Variants in MIER2 observed in about 807,000 individuals in gnomAD.
MIER2 encodes the protein mesoderm induction early response protein 2.
A neutral mutation model predicts 67.6 loss-of-function variants in MIER2; 30 were observed. The observed-to-expected ratio is 0.44, with a 90% CI of 0.33 to 0.60. The LOEUF is 0.60. Among genes scored for constraint, MIER2 ranks in the 20% least tolerant of loss-of-function variants. The pLI is 0.02. For synonymous variants in MIER2, 372 were observed against 312.6 expected (o/e 1.19, Z -2.00); for missense variants, 702 against 745.1 (o/e 0.94, Z 0.67).
chr19:316,860 T>C (rs1293011107), intron 7 of MIER2, among the ~76,000 whole-genome samples: 1 of 151,946 alleles, frequency 6.6e-6, no homozygotes, highest in Admixed American at 6.6e-5. Context: ...TCCCACCTAC[T>C]TGGGAGGCTG....
chr19:320,611 T>TCC (rs1164846148), intron 7 of MIER2, among the ~76,000 whole-genome samples: 1 of 152,054 alleles, frequency 6.6e-6, no homozygotes, highest in Non-Finnish European at 1.5e-5. Context: ...TGGCATTAGA[T>TCC]TCTCATAGGA....
At position 306,394 on chromosome 19, in the gene MIER2, G is replaced by T; in HGVS notation, c.*296C>A. On this transcript the variant is annotated 3_prime_UTR_variant, in exon 14 of 14. Coordinates refer to ENST00000264819, the MANE Select transcript of MIER2 (RefSeq NM_017550.3). ...CGGCTCTGCCCTGCGTCCCAACGGC[G>T]GGGTCTCTTCTGTCCCCGGCTGCCC... 1 of 550,228 alleles carries T rather than the reference G, an allele frequency of 1.8e-6. No individual in the cohort carries two copies. Among genetic ancestry groups the T allele is most frequent in the Non-Finnish European group, 3.2e-6 (1 of 307,886 alleles). The allele number at this position is 550,228 out of a possible 1,614,324, so 34.1% of individuals were successfully genotyped here. A position where few individuals can be genotyped will look rare whatever the true frequency, so the allele number is the denominator to read the frequency against.
chr19:317,926 G>A (rs144811385), intron 7 of MIER2, among the ~76,000 whole-genome samples: 213 of 152,180 alleles, frequency 1.4e-3, no homozygotes, highest in African/African-American at 3.0e-3. Context: ...GATCTAGGTC[G>A]GACACAGTGG....
intron 1 of MIER2, chr19:344,329 C>G (rs1475912624): frequency 1.0e-6 from 1 of 984,782 alleles, no homozygotes; most frequent in Non-Finnish European, 1.2e-6. Context: ...ATGGGGAGCG[C>G]GGGGCGCCTG....
chr19:307,391 G>C lies in MIER2; in HGVS notation c.1344C>G (p.Ala448=). ...GCTGGTATGAGGCTGGGTCGGCCAG[G>C]GCTGGGGGCCGATGGGACAGGGGTA... ...PAVPLSHRPP[A]LADPASYQPA... is the part of the protein sequence containing the mutation. The change falls in exon 13 of 14, where the codon GCC becomes GCG. Residue 448 remains alanine (A), a synonymous_variant. Transcript: ENST00000264819. 6.2e-7 allele frequency: 1 copy of C among 1,607,750 alleles called. No homozygotes were observed. The highest frequency in any genetic ancestry group is 8.5e-7 in the Non-Finnish European group (1 of 1,178,276).
chr19:325,980 C>T (rs1332933052), intron 6 of MIER2, among the ~76,000 whole-genome samples: 2 of 152,202 alleles, frequency 1.3e-5, no homozygotes, highest in Non-Finnish European at 2.9e-5. Context: ...CAGCAGGGGC[C>T]CAGGCTCCGG....
rs566676534 is a variant in MIER2, at chr19:316,542, G to A, written c.656-2899C>T. On this transcript the variant is annotated intron_variant, in intron 7 of 13. Transcript: ENST00000264819. ...TGACCTCAGGCAATCTGCCTGCCTC[G>A]GCCTCCCAAAGTGCTCGGATTATAG... Among the ~76,000 whole-genome samples the A allele has an allele frequency of 1.6e-3, 236 of 152,226 alleles. 1 individual carries two copies. The highest frequency in any genetic ancestry group is 4.6e-3 in the African/African-American group (189 of 41,536).
intron 3 of MIER2, among the ~76,000 whole-genome samples, chr19:332,760 A>G (rs548544625): frequency 1.1e-5 from 1 of 87,456 alleles, no homozygotes; most frequent in Non-Finnish European, 2.2e-5. Context: ...TTAACTTTTC[A>G]TGTAATAAAA....
chr19:327,076 C>G (rs984414504), intron 5 of MIER2, 57 bp downstream of exon 5: 3 of 1,542,322 alleles, frequency 1.9e-6, no homozygotes, highest in Admixed American at 4.5e-5. Flanking sequence ...CATCAAGCAT[C>G]ACGACTGCCT....
chr19:338,099 G>C (rs1403319660), intron 1 of MIER2, among the ~76,000 whole-genome samples: 2 of 148,136 alleles, frequency 1.4e-5, no homozygotes, highest in East Asian at 4.0e-4. Flanking sequence ...TTGAACCCAG[G>C]AGGCAGAGGT....
intron 1 of MIER2, among the ~76,000 whole-genome samples, chr19:340,000 A>G (rs1439710069): frequency 6.6e-6 from 1 of 152,190 alleles, no homozygotes; most frequent in East Asian, 1.9e-4. Flanking sequence ...AGCTGCTGCC[A>G]AAAAGGGTAG....
At chr19:329,693 CCTAA>C (rs1195020873) in intron 3 of MIER2, among the ~76,000 whole-genome samples, 17 of 152,016 alleles carry the variant, frequency 1.1e-4, no homozygotes, top group African/African-American at 4.1e-4. Flanking sequence ...TTGAGACCAG[CCTAA>C]CTAACATGGA....
intron 3 of MIER2, among the ~76,000 whole-genome samples, chr19:329,225 C>T (rs1328247011): frequency 6.6e-6 from 1 of 151,892 alleles, no homozygotes; most frequent in African/African-American, 2.4e-5. Flanking sequence ...CAGCCTAGTC[C>T]CAGCCCTTCT....
At chr19:319,939 G>A (rs1425260042) in intron 7 of MIER2, among the ~76,000 whole-genome samples, 1 of 152,232 alleles carries the variant, frequency 6.6e-6, no homozygotes, top group Non-Finnish European at 1.5e-5. Context: ...TCAAACTGAG[G>A]AGGGAAGGGA....
intron 7 of MIER2, among the ~76,000 whole-genome samples, chr19:316,814 C>CAA (rs1971254634): frequency 6.6e-6 from 1 of 151,830 alleles, no homozygotes; most frequent in Non-Finnish European, 1.5e-5. Flanking sequence ...ACTAAAAATA[C>CAA]AAAAATTAGC....
At chr19:325,989 G>A (rs916756753) in intron 6 of MIER2, among the ~76,000 whole-genome samples, 15 of 152,238 alleles carry the variant, frequency 9.9e-5, no homozygotes, top group African/African-American at 2.4e-4. Context: ...CCCAGGCTCC[G>A]GTCCAAAGCA....
chr19:310,862 C>T (rs540927798), intron 10 of MIER2, among the ~76,000 whole-genome samples: 16 of 151,986 alleles, frequency 1.1e-4, no homozygotes, highest in Admixed American at 5.9e-4. Flanking sequence ...TCCAGAAACA[C>T]GGCCCGGAGC....
Position 344,718 on chromosome 19 carries a change from C to CG in MIER2, c.9+55dup, listed in dbSNP as rs927235163. ...CCACGACGAGGCCGAGCCACGGCGGCGGGGGGCGCGGACGCGCGGGGGCGG... is the reference window on the plus strand; with the variant it reads ...CCACGACGAGGCCGAGCCACGGCGGCGGGGGGGCGCGGACGCGCGGGGGCGG... On this transcript the variant is annotated intron_variant, in intron 1 of 13. Transcript: ENST00000264819. 418 of 1,067,054 alleles carry CG rather than the reference C, an allele frequency of 3.9e-4. 1 individual carries two copies. Among genetic ancestry groups the CG allele is most frequent in the Non-Finnish European group, 4.7e-4 (410 of 865,654 alleles). 66.1% of individuals were successfully genotyped at this position (1,067,054 alleles called of 1,614,324 possible).
chr19:309,342 C>A (rs1485107867), intron 10 of MIER2, among the ~76,000 whole-genome samples: 1 of 152,114 alleles, frequency 6.6e-6, no homozygotes, highest in Admixed American at 6.5e-5. Flanking sequence ...GAGTGACAAC[C>A]CCCGGGTCCA....
Sources: allele counts gnomAD v4.1 joint callset (sites outside exome capture counted in the v4.1 genomes callset), GRCh38; gene constraint gnomAD v4.1.1; transcripts MANE v1.5; gene names NCBI Gene and HGNC (gene_info 2026-07-23, HGNC 2026-07-21).